Variants in PPM1B observed in about 807,000 individuals in gnomAD.
PPM1B encodes protein phosphatase 1B.
In PPM1B, 22 loss-of-function variants were observed where a neutral mutation model predicts 43.0. The ratio of observed to expected loss-of-function variants is 0.51; its 90% CI spans 0.37 to 0.73. The LOEUF is 0.73. PPM1B is among the 30% of genes least tolerant of loss of function. PPM1B has a pLI of 0.00. For missense variants in PPM1B, 632 were observed against 584.2 expected (o/e 1.08, Z -0.84); for synonymous variants, 217 against 197.9 (o/e 1.10, Z -0.81).
intron 1 of PPM1B, among the ~76,000 whole-genome samples, chr2:44,169,690 C>T (rs1572670209): frequency 6.6e-6 from 1 of 152,372 alleles, no homozygotes; most frequent in South Asian, 2.1e-4. Flanking sequence ...CATTCGTTTC[C>T]TCATCAGCTT....
chr2:44,216,474 G>C (rs1669724012), intron 3 of PPM1B, among the ~76,000 whole-genome samples: 2 of 152,190 alleles, frequency 1.3e-5, no homozygotes, highest in South Asian at 4.1e-4. Context: ...GAAGCTTGCA[G>C]TCTATGACCC....
At chr2:44,242,591 T>A (rs1278414881) in intron 5 of PPM1B, among the ~76,000 whole-genome samples, 1 of 152,116 alleles carries the variant, frequency 6.6e-6, no homozygotes, top group Non-Finnish European at 1.5e-5. Context: ...TATACAAGAG[T>A]AGCTATGTTT....
At chr2:44,229,916 C>A in intron 5 of PPM1B, 3 of 1,268,006 alleles carry the variant, frequency 2.4e-6, no homozygotes, top group Non-Finnish European at 3.2e-6. Context: ...CAATTTTTAT[C>A]CGTAAAAACT....
At chr2:44,232,924 A>G, downstream of PPM1B, 1 of 977,304 alleles carries the variant, frequency 1.0e-6, no homozygotes, top group Non-Finnish European at 1.2e-6. Context: ...TCCAAATTGT[A>G]ATGTTGCCTT....
At chr2:44,183,715 C>G (rs934084495) in intron 1 of PPM1B, among the ~76,000 whole-genome samples, 1 of 152,108 alleles carries the variant, frequency 6.6e-6, no homozygotes, top group Non-Finnish European at 1.5e-5. Context: ...TGGAATTGGA[C>G]TGCATGATTT....
At chr2:44,215,223 C>T (rs1192692506) in intron 3 of PPM1B, among the ~76,000 whole-genome samples, 1 of 152,112 alleles carries the variant, frequency 6.6e-6, no homozygotes, top group Non-Finnish European at 1.5e-5. Flanking sequence ...ACCTATAATT[C>T]TTGGGATGCC....
At chr2:44,224,538 G>C (rs1403586883) in intron 5 of PPM1B, among the ~76,000 whole-genome samples, 3 of 151,738 alleles carry the variant, frequency 2.0e-5, no homozygotes, top group Admixed American at 6.6e-5. Context: ...ATATTAGCTG[G>C]TTAAATTTTA....
intron 5 of PPM1B, among the ~76,000 whole-genome samples, chr2:44,224,833 A>G (rs1325656560): frequency 6.6e-6 from 1 of 152,210 alleles, no homozygotes; most frequent in African/African-American, 2.4e-5. Flanking sequence ...CTATAGTTTT[A>G]TTAATTTTAC....
downstream of PPM1B, among the ~76,000 whole-genome samples, chr2:44,239,121 C>G (rs1018008984): frequency 1.4e-5 from 2 of 139,692 alleles, no homozygotes; most frequent in Non-Finnish European, 3.0e-5. Context: ...CTGCAGTGAG[C>G]TACAAATGGA....
chr2:44,246,610 C>T (rs1670856647), downstream of PPM1B, among the ~76,000 whole-genome samples: 1 of 152,212 alleles, frequency 6.6e-6, no homozygotes, highest in South Asian at 2.1e-4. Flanking sequence ...CTTATCTGCT[C>T]ATATTTCTCC....
chr2:44,196,904 G>A (rs1668686981), intron 1 of PPM1B, among the ~76,000 whole-genome samples: 1 of 152,122 alleles, frequency 6.6e-6, no homozygotes, highest in Non-Finnish European at 1.5e-5. Context: ...AGCCACCTTA[G>A]CATGTTTGGC....
intron 1 of PPM1B, among the ~76,000 whole-genome samples, chr2:44,183,564 C>A (rs1667983498): frequency 6.6e-6 from 1 of 152,272 alleles, no homozygotes; most frequent in Admixed American, 6.5e-5. Flanking sequence ...CTCCTCATCA[C>A]CACCCAGTAA....
chr2:44,213,341 CTT>C (rs752341341), intron 3 of PPM1B, among the ~76,000 whole-genome samples: 23 of 128,492 alleles, frequency 1.8e-4, no homozygotes, highest in Non-Finnish European at 2.0e-4. Context: ...TGTTTTGATT[CTT>C]TTTTTTTTTT....
chr2:44,170,749 T>G (rs542734034), intron 1 of PPM1B, among the ~76,000 whole-genome samples: 10 of 152,362 alleles, frequency 6.6e-5, no homozygotes, highest in African/African-American at 2.4e-4. Flanking sequence ...GATAGTCTTT[T>G]CCAAGTGTAC....
intron 1 of PPM1B, among the ~76,000 whole-genome samples, chr2:44,199,170 G>A (rs6707002): frequency 0.21 from 31,054 of 150,650 alleles, 3,461 homozygotes; most frequent in African/African-American, 0.3. Flanking sequence ...AGGCAGGAGA[G>A]TGGTGTGAAC....
At chr2:44,218,130 T>A in intron 4 of PPM1B, 52 bp downstream of exon 4, 1 of 1,344,020 alleles carries the variant, frequency 7.4e-7, no homozygotes, top group Non-Finnish European at 1.1e-6. Context: ...AGTAATTAAA[T>A]AATTTGGGGT....
rs1027881175 is a variant in PPM1B, at chr2:44,169,110, G to A, written c.-179G>A. 1.2e-4 allele frequency: 22 copies of A among 181,058 alleles called. No homozygotes were observed. The highest frequency in any genetic ancestry group is 2.4e-4 in the Non-Finnish European group (21 of 87,398). The allele number at this position is 181,058 out of a possible 1,614,324, so 11.2% of individuals were successfully genotyped here. ...AGAAGGCGGCATCGGCGGCGGCGGC[G>A]GCGTGAGGGGCCGGGCGGTGTAAAC... On this transcript the variant is annotated 5_prime_UTR_variant, in exon 1 of 6. Coordinates refer to ENST00000282412, the MANE Select transcript of PPM1B (RefSeq NM_002706.6).
chr2:44,203,448 A>G (rs1266730956), intron 2 of PPM1B, among the ~76,000 whole-genome samples: 2 of 145,724 alleles, frequency 1.4e-5, no homozygotes, highest in East Asian at 2.0e-4. Context: ...TGACTAGCTA[A>G]TGAAAACAGC....
intron 1 of PPM1B, among the ~76,000 whole-genome samples, chr2:44,181,660 T>A (rs1288506022): frequency 6.6e-6 from 1 of 152,210 alleles, no homozygotes; most frequent in African/African-American, 2.4e-5. Flanking sequence ...CTGTCCTGGA[T>A]TAATACTAGA....
Sources: allele counts gnomAD v4.1 joint callset (sites outside exome capture counted in the v4.1 genomes callset), GRCh38; gene constraint gnomAD v4.1.1; transcripts MANE v1.5; gene names NCBI Gene and HGNC (gene_info 2026-07-23, HGNC 2026-07-21).